Variants in SYNDIG1 observed in about 807,000 individuals in gnomAD.
SYNDIG1 encodes the protein synapse differentiation-inducing gene protein 1.
A neutral mutation model predicts 19.4 loss-of-function variants in SYNDIG1; 9 were observed. That is an observed-to-expected ratio of 0.46 (90% CI 0.28 to 0.81). The LOEUF (loss-of-function observed/expected upper bound fraction) is 0.81, where lower values mean the gene tolerates loss of function less well. Ranked by LOEUF, SYNDIG1 falls within the 30% of genes least tolerant of loss-of-function variation. The pLI is 0.12. For missense variants in SYNDIG1, 311 were observed against 343.3 expected (o/e 0.91, Z 0.74); for synonymous variants, 141 against 145.9 (o/e 0.97, Z 0.24).
chr20:24,647,383 C>T (rs755024679), intron 3 of SYNDIG1, among the ~76,000 whole-genome samples: 2 of 152,096 alleles, frequency 1.3e-5, no homozygotes, highest in African/African-American at 2.4e-5. Flanking sequence ...GCTTTGGGTA[C>T]ATATGCCATC....
chr20:24,583,621 G>C (rs1013984536), intron 2 of SYNDIG1, among the ~76,000 whole-genome samples: 1 of 152,206 alleles, frequency 6.6e-6, no homozygotes, highest in Admixed American at 6.5e-5. Context: ...CCAGTGGAAT[G>C]ACAGACAGGA....
chr20:24,547,866 A>G (rs1396149554), intron 2 of SYNDIG1, among the ~76,000 whole-genome samples: 3 of 152,218 alleles, frequency 2.0e-5, no homozygotes, highest in Non-Finnish European at 2.9e-5. Context: ...GTCCAGGTGC[A>G]GAGGCCTGAC....
intron 1 of SYNDIG1, among the ~76,000 whole-genome samples, chr20:24,540,308 G>A (rs1037514794): frequency 6.6e-6 from 1 of 151,994 alleles, no homozygotes; most frequent in Non-Finnish European, 1.5e-5. Flanking sequence ...TTTTTTTGTG[G>A]AATCTTTAGG....
intron 2 of SYNDIG1, among the ~76,000 whole-genome samples, chr20:24,574,581 CA>C (rs1568653806): frequency 6.6e-6 from 1 of 152,082 alleles, no homozygotes; most frequent in East Asian, 1.9e-4. Flanking sequence ...ACTTCCAGGC[CA>C]CAGGAAGAAC....
At chr20:24,493,707 G>A (rs1214965771) in intron 1 of SYNDIG1, among the ~76,000 whole-genome samples, 1 of 152,162 alleles carries the variant, frequency 6.6e-6, no homozygotes, top group Non-Finnish European at 1.5e-5. Context: ...GGTGAGCAGT[G>A]GAGGGTGGTG....
chr20:24,665,544 T>A lies in SYNDIG1; in HGVS notation c.*40T>A. ...GAGGGGGAGCACCCGGGGCCAGGTC[T>A]GTGTGGACGTGGAGGAAGCAGGCAT... On this transcript the variant is annotated 3_prime_UTR_variant, in exon 4 of 4. Transcript: ENST00000376862. 1 of 1,610,768 alleles carries A rather than the reference T, an allele frequency of 6.2e-7. No homozygotes were observed. The highest frequency in any genetic ancestry group is 1.1e-5 in the South Asian group (1 of 90,508).
intron 2 of SYNDIG1, among the ~76,000 whole-genome samples, chr20:24,562,440 A>G (rs892406041): frequency 2.0e-5 from 3 of 152,250 alleles, no homozygotes; most frequent in Non-Finnish European, 4.4e-5. Flanking sequence ...TATCAAAAAT[A>G]TAATAACTCA....
intron 3 of SYNDIG1, among the ~76,000 whole-genome samples, chr20:24,614,850 G>A (rs961828145): frequency 6.6e-6 from 1 of 152,190 alleles, no homozygotes; most frequent in South Asian, 2.1e-4. Context: ...AATGTAATTG[G>A]TGAATGGAGT....
At chr20:24,592,676 C>A (rs546005712) in intron 3 of SYNDIG1, among the ~76,000 whole-genome samples, 3 of 152,142 alleles carry the variant, frequency 2.0e-5, no homozygotes, top group Non-Finnish European at 2.9e-5. Context: ...TGCAGCGGCA[C>A]GATCATGGCT....
intron 3 of SYNDIG1, among the ~76,000 whole-genome samples, chr20:24,603,305 T>C (rs1568677222): frequency 6.6e-6 from 1 of 152,090 alleles, no homozygotes; most frequent in Non-Finnish European, 1.5e-5. Flanking sequence ...AGCACATGCC[T>C]TTGGCAGGGC....
intron 3 of SYNDIG1, among the ~76,000 whole-genome samples, chr20:24,636,844 T>C (rs2059321093): frequency 6.6e-6 from 1 of 152,272 alleles, no homozygotes; most frequent in African/African-American, 2.4e-5. Context: ...TTACCCTCGC[T>C]ATCTGCCTAA....
At chr20:24,562,599 G>C (rs145767383) in intron 2 of SYNDIG1, among the ~76,000 whole-genome samples, 27 of 152,286 alleles carry the variant, frequency 1.8e-4, no homozygotes, top group African/African-American at 6.5e-4. Context: ...GAATCTCCCA[G>C]ATAATAATAC....
At chr20:24,630,961 G>A (rs2059233140) in intron 3 of SYNDIG1, among the ~76,000 whole-genome samples, 1 of 152,258 alleles carries the variant, frequency 6.6e-6, no homozygotes, top group Non-Finnish European at 1.5e-5. Flanking sequence ...GATGATTTGG[G>A]TCTGAAAGAT....
intron 2 of SYNDIG1, among the ~76,000 whole-genome samples, chr20:24,560,228 A>G (rs1271051164): frequency 6.6e-6 from 1 of 151,056 alleles, no homozygotes; most frequent in Admixed American, 6.6e-5. Context: ...GCCACCATGC[A>G]CGGCTAATTT....
chr20:24,493,809 G>T (rs1286501876), intron 1 of SYNDIG1, among the ~76,000 whole-genome samples: 2 of 152,234 alleles, frequency 1.3e-5, no homozygotes, highest in African/African-American at 4.8e-5. Context: ...GCTCAGAGGG[G>T]AGGCATGGCC....
At chr20:24,564,438 T>C (rs543448740) in intron 2 of SYNDIG1, among the ~76,000 whole-genome samples, 11 of 152,306 alleles carry the variant, frequency 7.2e-5, no homozygotes, top group Admixed American at 5.9e-4. Flanking sequence ...ATCTGAAACA[T>C]TGGTAGTTTG....
At chr20:24,634,028 G>A (rs200157327) in intron 3 of SYNDIG1, among the ~76,000 whole-genome samples, 2 of 152,156 alleles carry the variant, frequency 1.3e-5, no homozygotes, top group Non-Finnish European at 2.9e-5. Context: ...TTCAAATATA[G>A]TGTACTCAAC....
chr20:24,634,474 TCCG>T (rs2059294704), intron 3 of SYNDIG1, among the ~76,000 whole-genome samples: 1 of 152,210 alleles, frequency 6.6e-6, no homozygotes, highest in South Asian at 2.1e-4. Flanking sequence ...CCTCCAGAAG[TCCG>T]TACCAGTTTT....
At chr20:24,643,416 G>A (rs1019264149) in intron 3 of SYNDIG1, among the ~76,000 whole-genome samples, 1 of 152,172 alleles carries the variant, frequency 6.6e-6, no homozygotes, top group Non-Finnish European at 1.5e-5. Flanking sequence ...CCGTGTTCAT[G>A]AGAAGTAACT....
Sources: gnomAD v4.1 joint callset for allele counts (sites outside exome capture counted in the v4.1 genomes callset) on GRCh38, gnomAD v4.1.1 for gene constraint, MANE v1.5 for transcripts, NCBI Gene and HGNC (gene_info 2026-07-23, HGNC 2026-07-21) for gene names.